Variants in ERMP1 observed in about 807,000 individuals in gnomAD.
ERMP1 encodes Felix-ina.
Under a neutral mutation model 92.0 loss-of-function variants are expected in ERMP1, and 86 were observed. That is an observed-to-expected ratio of 0.93 (90% CI 0.79 to 1.12). The LOEUF (loss-of-function observed/expected upper bound fraction) is 1.12, where lower values mean the gene tolerates loss of function less well. ERMP1 is among the 50% of genes most tolerant of loss of function. The pLI is 0.00. For missense variants in ERMP1, 1,342 were observed against 1,116.3 expected (o/e 1.20, Z -2.88); for synonymous variants, 530 against 412.8 (o/e 1.28, Z -3.44).
At chr9:5,841,053 G>A (rs539427786) in intron 6 of ERMP1, among the ~76,000 whole-genome samples, 16 of 152,146 alleles carry the variant, frequency 1.1e-4, no homozygotes, top group Non-Finnish European at 1.9e-4. Flanking sequence ...CTCCCTACCC[G>A]TAGGAATGTA....
At chr9:5,857,845 T>C (rs1830399068) in intron 6 of ERMP1, among the ~76,000 whole-genome samples, 1 of 152,234 alleles carries the variant, frequency 6.6e-6, no homozygotes. Context: ...CAATAAGCTA[T>C]GTTCTGTGAG....
At chr9:5,852,952 C>T (rs1267995566) in intron 6 of ERMP1, among the ~76,000 whole-genome samples, 2 of 152,124 alleles carry the variant, frequency 1.3e-5, no homozygotes, top group Admixed American at 6.5e-5. Flanking sequence ...TTTCCTCTGC[C>T]CTCTTAGGTT....
intron 2 of ERMP1, among the ~76,000 whole-genome samples, chr9:5,830,402 C>G (rs946607638): frequency 5.9e-5 from 9 of 152,172 alleles, no homozygotes. Flanking sequence ...TTCTAAGTGT[C>G]AGAACCTAAC....
intron 7 of ERMP1, 110 bp downstream of exon 7, chr9:5,810,999 CAT>C: frequency 3.1e-6 from 2 of 646,884 alleles, no homozygotes; most frequent in Non-Finnish European, 5.2e-6. Flanking sequence ...ATAAAGCAAA[CAT>C]TGTCTTAAGA....
chr9:5,798,050 C>T, intron 12 of ERMP1, 118 bp from the exon 13 acceptor site: 1 of 707,960 alleles, frequency 1.4e-6, no homozygotes, highest in Non-Finnish European at 2.5e-6. Context: ...AACTGACAGA[C>T]ATGATAAGCA....
chr9:5,813,751 T>C (rs1043868414), intron 4 of ERMP1, among the ~76,000 whole-genome samples: 1 of 151,612 alleles, frequency 6.6e-6, no homozygotes, highest in Non-Finnish European at 1.5e-5. Context: ...TGTTACTTTT[T>C]ATAATTTATC....
upstream of ERMP1, among the ~76,000 whole-genome samples, chr9:5,835,356 G>GCGCGCA (rs922588469): frequency 3.3e-5 from 5 of 151,574 alleles, no homozygotes; most frequent in East Asian, 2.0e-4. Flanking sequence ...ATGAACGCGC[G>GCGCGCA]CGCGCATGTG....
rs141041967 is a variant in ERMP1 at position 5,799,064 on chromosome 9, C to G, written c.2068-56G>C. ...TTCAACTAGTACACCCACATTCCCA[C>G]CCCAGATTACAAAAATGGAGTATGA... On this transcript the variant is annotated intron_variant, in intron 11 of 14. Transcript: ENST00000339450. The G allele has an allele frequency of 1.4e-4, 177 of 1,238,096 alleles. No homozygotes were observed. The African/African-American group carries it at 2.4e-3, about 16-fold the overall frequency. 76.7% of individuals were successfully genotyped at this position (1,238,096 alleles called of 1,614,324 possible).
chr9:5,796,091 A>T (rs529952122), intron 13 of ERMP1, among the ~76,000 whole-genome samples: 2 of 152,378 alleles, frequency 1.3e-5, no homozygotes, highest in African/African-American at 4.8e-5. Context: ...GGGATATTCC[A>T]ACACGGATAG....
chr9:5,816,235 G>A (rs1160032003), intron 4 of ERMP1, among the ~76,000 whole-genome samples: 1 of 151,976 alleles, frequency 6.6e-6, no homozygotes, highest in African/African-American at 2.4e-5. Context: ...TTTTTTAAAT[G>A]GTTAGGACAT....
intron 11 of ERMP1, among the ~76,000 whole-genome samples, 194 bp downstream of exon 11, chr9:5,800,982 G>C (rs1258705582): frequency 6.6e-6 from 1 of 152,172 alleles, no homozygotes; most frequent in Admixed American, 6.5e-5. Flanking sequence ...AGTCTCCTGG[G>C]AGATATATGT....
chr9:5,787,433 C>T lies in ERMP1; in HGVS notation c.2547G>A (p.Val849=). 1.2e-6 allele frequency: 2 copies of T among 1,611,844 alleles called. No homozygotes were observed. The highest frequency in any genetic ancestry group is 1.3e-5 in the African/African-American group (1 of 74,794). The change falls in exon 14 of 15, where the codon GTG becomes GTA. Residue 849 remains valine, a synonymous_variant. Transcript: ENST00000339450. ...QASAWQFWIE[V]QVSEEHPEGM... is the part of the protein sequence containing the mutation. ...AACAATGCTGGGAAATTGGCACCTG[C>T]ACTTCTATCCAGAACTGCCATGCAG...
intron 5 of ERMP1, among the ~76,000 whole-genome samples, chr9:5,860,656 C>A (rs1586846616): frequency 6.6e-6 from 1 of 150,942 alleles, no homozygotes; most frequent in Non-Finnish European, 1.5e-5. Flanking sequence ...ACTCTGTTGC[C>A]CAGGCTGGCC....
At chr9:5,856,753 C>A (rs1830378381) in intron 6 of ERMP1, among the ~76,000 whole-genome samples, 1 of 152,138 alleles carries the variant, frequency 6.6e-6, no homozygotes, top group Non-Finnish European at 1.5e-5. Flanking sequence ...CAATACATAA[C>A]CTTGTTTTAT....
chr9:5,812,650 C>T (rs1224969596), intron 5 of ERMP1: 1 of 545,792 alleles, frequency 1.8e-6, no homozygotes, highest in Non-Finnish European at 3.3e-6. Flanking sequence ...GAATGAGGTG[C>T]TAAACAGTTC....
intron 2 of ERMP1, among the ~76,000 whole-genome samples, chr9:5,829,922 G>T (rs1279019759): frequency 6.6e-6 from 1 of 152,170 alleles, no homozygotes; most frequent in African/African-American, 2.4e-5. Context: ...TTAATAAATG[G>T]AAGTTCAATT....
chr9:5,785,606 G>C lies in ERMP1; in HGVS notation c.*1538C>G, dbSNP rs761564976. ...GGGAGTCACAGATTAGGCAGGCAAC[G>C]AGGGGCATGATTTAAAAAGCACATC... On this transcript the variant is annotated 3_prime_UTR_variant, in exon 15 of 15. Transcript: ENST00000339450. The C allele has an allele frequency of 6.6e-6, 1 of 152,644 alleles. No homozygotes were observed. Among genetic ancestry groups the C allele is most frequent in the Non-Finnish European group, 1.5e-5 (1 of 68,052 alleles). The allele number at this position is 152,644 out of a possible 1,614,324, so 9.5% of individuals were successfully genotyped here.
At chr9:5,810,745 A>G (rs2131237911) in intron 7 of ERMP1, among the ~76,000 whole-genome samples, 1 of 152,334 alleles carries the variant, frequency 6.6e-6, no homozygotes, top group East Asian at 1.9e-4. Context: ...ATTTCAAATA[A>G]AAGAAACAGT....
chr9:5,794,725 G>GT (rs1242168366), intron 13 of ERMP1, among the ~76,000 whole-genome samples: 1 of 152,158 alleles, frequency 6.6e-6, no homozygotes, highest in Non-Finnish European at 1.5e-5. Context: ...GAACAGGCCT[G>GT]TATCTATTAA....
Sources: gnomAD v4.1 joint callset for allele counts (sites outside exome capture counted in the v4.1 genomes callset) on GRCh38, gnomAD v4.1.1 for gene constraint, MANE v1.5 for transcripts, NCBI Gene and HGNC (gene_info 2026-07-23, HGNC 2026-07-21) for gene names.